The following KIAA1549L variants were observed in gnomAD, a reference collection of about 807,000 sequenced individuals.
KIAA1549L encodes UPF0606 protein KIAA1549L.
KIAA1549L carries 88 observed loss-of-function variants against 160.7 expected under a neutral mutation model. The ratio of observed to expected loss-of-function variants is 0.55; its 90% CI spans 0.46 to 0.65. The LOEUF is 0.65. Among genes scored for constraint, KIAA1549L ranks in the 30% least tolerant of loss-of-function variants. The probability of loss-of-function intolerance (pLI) is 0.00; values close to 1 mark genes in which losing one functional copy is unlikely to be tolerated. For missense variants in KIAA1549L, 2,258 were observed against 2,437.5 expected, an observed-to-expected ratio of 0.93 and a Z score of 1.55; for synonymous variants, 950 against 976.7, an observed-to-expected ratio of 0.97 and a Z score of 0.51.
intron 1 of KIAA1549L, among the ~76,000 whole-genome samples, chr11:33,428,491 C>T (rs78309863): frequency 0.046 from 6,911 of 151,608 alleles, 218 homozygotes; most frequent in East Asian, 0.16. Flanking sequence ...TGATGTTCCT[C>T]GCCCTGTATC....
At chr11:33,495,800 C>T (rs1852803697) in intron 1 of KIAA1549L, among the ~76,000 whole-genome samples, 4 of 151,778 alleles carry the variant, frequency 2.6e-5, no homozygotes, top group Non-Finnish European at 4.4e-5. Context: ...TGTTTCCTGA[C>T]TTTTTAATGA....
At chr11:33,436,046 A>G (rs1396159288) in intron 1 of KIAA1549L, among the ~76,000 whole-genome samples, 1 of 150,774 alleles carries the variant, frequency 6.6e-6, no homozygotes, top group Non-Finnish European at 1.5e-5. Flanking sequence ...ATTATATTGT[A>G]TTAAGTACTA....
intron 1 of KIAA1549L, among the ~76,000 whole-genome samples, chr11:33,386,703 G>A (rs577447992): frequency 6.6e-5 from 10 of 150,972 alleles, no homozygotes; most frequent in Non-Finnish European, 1.0e-4. Context: ...TTCTAACAAC[G>A]GCCAGGCCAT....
intron 1 of KIAA1549L, among the ~76,000 whole-genome samples, chr11:33,437,529 TC>T (rs1350924684): frequency 6.6e-6 from 1 of 152,226 alleles, no homozygotes; most frequent in Non-Finnish European, 1.5e-5. Context: ...GTGTTATCTT[TC>T]TGAACATTTA....
intron 2 of KIAA1549L, 90 bp from the exon 3 acceptor site, chr11:33,544,677 C>A: frequency 6.7e-7 from 1 of 1,484,980 alleles, no homozygotes; most frequent in Non-Finnish European, 9.0e-7. Context: ...TTCACCCTAG[C>A]AAATCCATAA....
At chr11:33,459,908 C>T (rs1240501093) in intron 1 of KIAA1549L, among the ~76,000 whole-genome samples, 2 of 143,808 alleles carry the variant, frequency 1.4e-5, no homozygotes, top group African/African-American at 5.3e-5. Flanking sequence ...TTGCAGTGAG[C>T]CGAGATCCCG....
chr11:33,442,346 A>C (rs1851527072), intron 1 of KIAA1549L, among the ~76,000 whole-genome samples: 1 of 152,080 alleles, frequency 6.6e-6, no homozygotes. Context: ...GTTTGAAGTC[A>C]GGTAGCATGA....
At chr11:33,661,059 A>G (rs549831822) in intron 20 of KIAA1549L, 45 bp downstream of exon 20, 2 of 1,539,868 alleles carry the variant, frequency 1.3e-6, no homozygotes, top group African/African-American at 2.7e-5. Flanking sequence ...CCTGCTTAAC[A>G]CATGCCAAAA....
chr11:33,642,856 A>G (rs1851624471), intron 16 of KIAA1549L, among the ~76,000 whole-genome samples: 1 of 152,210 alleles, frequency 6.6e-6, no homozygotes, highest in Non-Finnish European at 1.5e-5. Context: ...CTATCTAACA[A>G]GGGGAAGTGG....
intron 4 of KIAA1549L, among the ~76,000 whole-genome samples, chr11:33,549,675 A>C (rs1854389281): frequency 6.6e-6 from 1 of 152,194 alleles, no homozygotes; most frequent in Admixed American, 6.5e-5. Context: ...GAAAATACAC[A>C]TGGAGATGCA....
At chr11:33,452,737 C>T (rs1851747163) in intron 1 of KIAA1549L, among the ~76,000 whole-genome samples, 1 of 152,186 alleles carries the variant, frequency 6.6e-6, no homozygotes, top group African/African-American at 2.4e-5. Context: ...GGTTTTGCCT[C>T]CTGCTCCATA....
chr11:33,531,595 A>G (rs1231625325), intron 1 of KIAA1549L, among the ~76,000 whole-genome samples: 1 of 152,224 alleles, frequency 6.6e-6, no homozygotes, highest in Non-Finnish European at 1.5e-5. Flanking sequence ...AAGAGCTTTG[A>G]AAGTTAAAAT....
intron 1 of KIAA1549L, among the ~76,000 whole-genome samples, chr11:33,534,570 A>AT (rs57608051): frequency 0.69 from 105,276 of 151,706 alleles, 37,219 homozygotes; most frequent in African/African-American, 0.84. Flanking sequence ...ATGGCTTAGT[A>AT]TTTTTTTTCT....
At chr11:33,444,980 G>T (rs916997226) in intron 1 of KIAA1549L, among the ~76,000 whole-genome samples, 1 of 152,170 alleles carries the variant, frequency 6.6e-6, no homozygotes. Flanking sequence ...CACAGAGCAG[G>T]TCTACAGTAA....
chr11:33,503,469 C>T (rs1853001675), intron 1 of KIAA1549L, among the ~76,000 whole-genome samples: 1 of 152,184 alleles, frequency 6.6e-6, no homozygotes, highest in Admixed American at 6.5e-5. Flanking sequence ...GAGAATATTT[C>T]TAGAAGTGAA....
chr11:33,521,108 C>T (rs1853482502), intron 1 of KIAA1549L, among the ~76,000 whole-genome samples: 1 of 152,122 alleles, frequency 6.6e-6, no homozygotes, highest in Non-Finnish European at 1.5e-5. Flanking sequence ...GACTTCCAGG[C>T]TGCAGTGAAC....
intron 16 of KIAA1549L, among the ~76,000 whole-genome samples, chr11:33,643,574 ACT>A (rs1426155843): frequency 9.2e-5 from 14 of 151,964 alleles, no homozygotes; most frequent in Admixed American, 5.2e-4. Flanking sequence ...TATCAGGGAG[ACT>A]CTGGATGTAG....
chr11:33,629,166 G>C (rs1851205281), intron 16 of KIAA1549L, among the ~76,000 whole-genome samples: 1 of 152,206 alleles, frequency 6.6e-6, no homozygotes. Flanking sequence ...CTGTTAGTCT[G>C]ATGGGCTTCC....
At chr11:33,431,506 G>A (rs1851242487) in intron 1 of KIAA1549L, among the ~76,000 whole-genome samples, 1 of 152,222 alleles carries the variant, frequency 6.6e-6, no homozygotes, top group South Asian at 2.1e-4. Flanking sequence ...AGAGTAGCTA[G>A]ATATAGAGTG....
Sources: allele counts gnomAD v4.1 joint callset (sites outside exome capture counted in the v4.1 genomes callset), GRCh38; gene constraint gnomAD v4.1.1; transcripts MANE v1.5; gene names NCBI Gene and HGNC (gene_info 2026-07-23, HGNC 2026-07-21).